Variants in ODAD2 observed in about 807,000 individuals in gnomAD.
ODAD2 encodes the protein outer dynein arm-docking complex subunit 2.
In ODAD2, 89 loss-of-function variants were observed where a neutral mutation model predicts 106.8. The ratio of observed to expected loss-of-function variants is 0.83; its 90% CI spans 0.70 to 0.99. The LOEUF is 0.99. Ranked by LOEUF, ODAD2 falls within the 50% of genes least tolerant of loss-of-function variation. The pLI is 0.00. For missense variants in ODAD2, 1,168 were observed against 1,238.5 expected (o/e 0.94, Z 0.85); for synonymous variants, 404 against 436.2 (o/e 0.93, Z 0.92).
chr10:27,859,066 TAA>T (rs1190111639), intron 19 of ODAD2, among the ~76,000 whole-genome samples: 1 of 151,736 alleles, frequency 6.6e-6, no homozygotes, highest in African/African-American at 2.4e-5. Flanking sequence ...CTTTTTTTTT[TAA>T]GACTGCATAC....
intron 17 of ODAD2, among the ~76,000 whole-genome samples, chr10:27,886,854 T>C (rs1842253423): frequency 6.6e-6 from 1 of 151,834 alleles, no homozygotes. Flanking sequence ...TCCATGTTAG[T>C]AACCACAAAG....
At chr10:27,848,392 C>T (rs1838961872) in intron 19 of ODAD2, among the ~76,000 whole-genome samples, 2 of 152,134 alleles carry the variant, frequency 1.3e-5, no homozygotes. Context: ...AAACTGGATC[C>T]CTTCCTTACA....
intron 19 of ODAD2, among the ~76,000 whole-genome samples, chr10:27,840,832 G>A (rs1336405872): frequency 1.3e-5 from 2 of 152,216 alleles, no homozygotes; most frequent in Non-Finnish European, 2.9e-5. Context: ...GCATAAGTTT[G>A]AGTTATGAAG....
upstream of ODAD2, among the ~76,000 whole-genome samples, chr10:27,999,483 A>G (rs903806206): frequency 1.3e-5 from 2 of 152,150 alleles, no homozygotes; most frequent in African/African-American, 4.8e-5. Context: ...TCTGATACTC[A>G]CCGGGAAAGC....
intron 8 of ODAD2, among the ~76,000 whole-genome samples, chr10:27,970,182 G>T (rs920626908): frequency 6.6e-6 from 1 of 151,884 alleles, no homozygotes; most frequent in East Asian, 1.9e-4. Context: ...CAGCATTTAC[G>T]TAGCATTGGC....
chr10:27,982,668 T>C (rs1391184258), intron 6 of ODAD2, among the ~76,000 whole-genome samples: 1 of 152,140 alleles, frequency 6.6e-6, no homozygotes, highest in African/African-American at 2.4e-5. Flanking sequence ...CAAGCCAACA[T>C]GTAACAACCC....
At chr10:27,825,906 A>G (rs1351517471) in intron 19 of ODAD2, among the ~76,000 whole-genome samples, 1 of 152,242 alleles carries the variant, frequency 6.6e-6, no homozygotes, top group African/African-American at 2.4e-5. Context: ...GAATAAAATC[A>G]TAACTGAAAA....
chr10:27,820,777 CTTTTTTTT>C lies in ODAD2; in HGVS notation c.3022-8160_3022-8153del, dbSNP rs72095120. ...CAATTAAACCAATGAAGCCCAGCAA[CTTTTTTTT>C]TTTTTTTTTTTTTTTTGATGGAGTT... On this transcript the variant is annotated intron_variant, in intron 19 of 19. Coordinates refer to ENST00000305242, the MANE Select transcript of ODAD2 (RefSeq NM_018076.5). Among the ~76,000 whole-genome samples the C allele has an allele frequency of 5.2e-4, 55 of 105,548 alleles. 1 individual carries two copies. Among genetic ancestry groups the C allele is most frequent in the East Asian group, 2.5e-3 (10 of 4,042 alleles). 69.2% of individuals were successfully genotyped at this position (105,548 alleles called of 152,430 possible).
At chr10:27,978,937 TG>T (rs1849361803) in intron 7 of ODAD2, among the ~76,000 whole-genome samples, 1 of 152,012 alleles carries the variant, frequency 6.6e-6, no homozygotes, top group African/African-American at 2.4e-5. Flanking sequence ...AGGCTAGGCA[TG>T]GGGGCTCACA....
At chr10:27,873,683 T>C (rs1841087066) in intron 17 of ODAD2, among the ~76,000 whole-genome samples, 1 of 152,218 alleles carries the variant, frequency 6.6e-6, no homozygotes, top group Non-Finnish European at 1.5e-5. Context: ...AGCTTCTTAA[T>C]CCTGAGTTCT....
intron 10 of ODAD2, among the ~76,000 whole-genome samples, chr10:27,960,340 TA>T (rs1848042901): frequency 1.4e-5 from 2 of 147,038 alleles, no homozygotes. Context: ...TTATTATTAT[TA>T]TTATTATTAT....
At chr10:27,891,192 G>A (rs1463600228) in intron 17 of ODAD2, among the ~76,000 whole-genome samples, 1 of 152,110 alleles carries the variant, frequency 6.6e-6, no homozygotes, top group East Asian at 1.9e-4. Context: ...CACACCTGTG[G>A]TCAGGAAACT....
chr10:27,979,075 TG>T (rs2133073743), intron 7 of ODAD2, among the ~76,000 whole-genome samples: 1 of 151,938 alleles, frequency 6.6e-6, no homozygotes, highest in African/African-American at 2.4e-5. Flanking sequence ...CAGAGCATGG[TG>T]GCAGATGCCT....
chr10:27,953,015 A>T (rs576560878), intron 10 of ODAD2, among the ~76,000 whole-genome samples: 7 of 151,994 alleles, frequency 4.6e-5, no homozygotes, highest in Middle Eastern at 6.8e-3. Context: ...TAATTGATAT[A>T]AAAAAATGCA....
At chr10:27,880,919 C>G (rs1372579729) in intron 17 of ODAD2, among the ~76,000 whole-genome samples, 2 of 152,184 alleles carry the variant, frequency 1.3e-5, no homozygotes, top group African/African-American at 4.8e-5. Context: ...TGGAAGGCAG[C>G]ATCATAAAGA....
At chr10:27,884,952 G>A (rs776092153) in intron 17 of ODAD2, among the ~76,000 whole-genome samples, 2 of 151,966 alleles carry the variant, frequency 1.3e-5, no homozygotes, top group African/African-American at 4.8e-5. Flanking sequence ...CTTCCGAGCT[G>A]GTCTGCAAAA....
At chr10:27,984,565 G>A (rs1006268856) in intron 4 of ODAD2, among the ~76,000 whole-genome samples, 42 of 152,178 alleles carry the variant, frequency 2.8e-4, no homozygotes, top group African/African-American at 9.2e-4. Flanking sequence ...ACATGCTTTG[G>A]ACTATACAAA....
rs1461412695 is a variant in ODAD2 at position 27,920,428 on chromosome 10, G to T, written c.2496-12651C>A. On this transcript the variant is annotated intron_variant, in intron 16 of 19. Coordinates refer to ENST00000305242, the MANE Select transcript of ODAD2 (RefSeq NM_018076.5). ...CATTCTTTCATCTATTAATATGCGTGCATATCACAACTGGCTGGATGAGAT... is the reference window on the plus strand; with the variant it reads ...CATTCTTTCATCTATTAATATGCGTTCATATCACAACTGGCTGGATGAGAT... Among the ~76,000 whole-genome samples, 3 of 152,096 alleles carry T rather than the reference G, an allele frequency of 2.0e-5. No individual in the cohort carries two copies. The East Asian group carries it at 5.8e-4, about 29-fold the overall frequency.
chr10:27,986,954 A>T (rs1313083291), intron 3 of ODAD2, among the ~76,000 whole-genome samples: 2 of 152,222 alleles, frequency 1.3e-5, no homozygotes, highest in Non-Finnish European at 2.9e-5. Context: ...AAGAGCCTAC[A>T]TTCATTTTAA....
Sources: gnomAD v4.1 joint callset for allele counts (sites outside exome capture counted in the v4.1 genomes callset) on GRCh38, gnomAD v4.1.1 for gene constraint, MANE v1.5 for transcripts, NCBI Gene and HGNC (gene_info 2026-07-23, HGNC 2026-07-21) for gene names.